Variants in UBOX5 observed in about 807,000 individuals in gnomAD.
UBOX5 encodes RING finger protein 37.
In UBOX5, 28 loss-of-function variants were observed where a neutral mutation model predicts 39.0. That is an observed-to-expected ratio of 0.72 (90% confidence interval 0.53 to 0.98). UBOX5 has a LOEUF of 0.98. UBOX5 is among the 50% of genes least tolerant of loss of function. UBOX5 has a pLI of 0.00. For synonymous variants in UBOX5, 283 were observed against 275.5 expected, an observed-to-expected ratio of 1.03 and a Z score of -0.27; for missense variants, 585 against 674.4, an observed-to-expected ratio of 0.87 and a Z score of 1.47.
intron 1 of UBOX5, chr20:3,148,890 T>C: frequency 1.2e-6 from 2 of 1,614,200 alleles, no homozygotes; most frequent in Non-Finnish European, 1.7e-6. Context: ...GAGAAGGTGC[T>C]ACATATGTTC....
intron 3 of UBOX5, among the ~76,000 whole-genome samples, chr20:3,119,420 G>A (rs921010579): frequency 2.0e-5 from 3 of 152,222 alleles, no homozygotes; most frequent in Admixed American, 6.5e-5. Flanking sequence ...CCCTGAAGCA[G>A]AGAATCCAGC....
intron 1 of UBOX5, among the ~76,000 whole-genome samples, chr20:3,145,683 C>T (rs2066555188): frequency 6.6e-6 from 1 of 152,128 alleles, no homozygotes; most frequent in African/African-American, 2.4e-5. Context: ...GCAATCTTCC[C>T]ACTTTGGCCT....
intron 1 of UBOX5, among the ~76,000 whole-genome samples, chr20:3,151,410 C>T (rs1049939706): frequency 6.6e-6 from 1 of 152,194 alleles, no homozygotes; most frequent in African/African-American, 2.4e-5. Flanking sequence ...ATTGTATGGC[C>T]TGCAAAGCAT....
chr20:3,153,808 T>C (rs1371759594), intron 1 of UBOX5, among the ~76,000 whole-genome samples: 1 of 152,236 alleles, frequency 6.6e-6, no homozygotes, highest in Non-Finnish European at 1.5e-5. Flanking sequence ...TTTAAACTTT[T>C]TCAGTTTTTG....
intron 1 of UBOX5, among the ~76,000 whole-genome samples, chr20:3,130,266 T>C (rs2422853): frequency 0.74 from 110,973 of 149,070 alleles, 42,734 homozygotes; most frequent in East Asian, 0.99. Flanking sequence ...AATAAATAAA[T>C]AAACAAACAA....
intron 1 of UBOX5, among the ~76,000 whole-genome samples, chr20:3,129,415 T>C (rs970469029): frequency 6.6e-5 from 10 of 152,334 alleles, no homozygotes; most frequent in Middle Eastern, 3.4e-3. Flanking sequence ...TGACGATTCA[T>C]AGGACACCAG....
In UBOX5 at chr20:3,149,335, G is replaced by A; in HGVS notation, c.-42+10431C>T. 1 of 459,836 alleles carries A rather than the reference G, an allele frequency of 2.2e-6. No homozygotes were observed. The highest frequency in any genetic ancestry group is 3.9e-6 in the Non-Finnish European group (1 of 258,076). 28.5% of individuals were successfully genotyped at this position (459,836 alleles called of 1,614,324 possible). On this transcript the variant is annotated intron_variant, in intron 1 of 4. Transcript: ENST00000217173. This position sits in a 1 kb window ranked among gnomAD's most constrained non-coding sequence, Gnocchi z 4.1. ...CCAAATTTACACATTATAAAAAACA[G>A]GTTGAAACTACACTGCTGTCTACTC...
chr20:3,127,107 C>T (rs16988305), intron 1 of UBOX5, among the ~76,000 whole-genome samples: 10,857 of 150,296 alleles, frequency 0.072, 497 homozygotes, highest in Middle Eastern at 0.12. Context: ...ATTCCAATGG[C>T]TTCTGGTAAC....
intron 3 of UBOX5, among the ~76,000 whole-genome samples, chr20:3,119,811 G>A (rs372652746): frequency 7.2e-5 from 11 of 152,112 alleles, no homozygotes; most frequent in African/African-American, 2.2e-4. Flanking sequence ...ACGAGATTGC[G>A]CCATTGCACT....
intron 1 of UBOX5, chr20:3,147,844 T>G: frequency 6.2e-7 from 1 of 1,614,180 alleles, no homozygotes; most frequent in Non-Finnish European, 8.5e-7. Flanking sequence ...CATTCATTAC[T>G]CCTTCATTCA....
rs1241200771 is a variant in UBOX5, at chr20:3,146,914, A to G, written c.-42+12852T>C. The G allele has an allele frequency of 6.2e-6, 10 of 1,614,020 alleles. No homozygotes were observed. In the African/African-American group the frequency reaches 9.3e-5, roughly 15 times the overall value. Reference sequence around the variant, plus strand: ...GCCGAGCCAGCTGCCGCCTCTTCATATTGTGCAGTCCAAGGAGATCCCTGG... The same window carrying G: ...GCCGAGCCAGCTGCCGCCTCTTCATGTTGTGCAGTCCAAGGAGATCCCTGG... On this transcript the variant is annotated intron_variant, in intron 1 of 4. Coordinates refer to ENST00000217173, the MANE Select transcript of UBOX5 (RefSeq NM_014948.4).
chr20:3,125,339 T>C (rs1452902680), intron 1 of UBOX5, among the ~76,000 whole-genome samples: 655 of 46,456 alleles, frequency 0.014, no homozygotes, highest in Middle Eastern at 0.02. Context: ...TCTGCCCGGC[T>C]GCCCCGTCTG....
At chr20:3,120,014 GC>G (rs1331128236) in intron 3 of UBOX5, among the ~76,000 whole-genome samples, 2 of 151,868 alleles carry the variant, frequency 1.3e-5, no homozygotes, top group East Asian at 3.9e-4. Context: ...CACTGGCAAT[GC>G]CCCAGGGAAG....
intron 1 of UBOX5, among the ~76,000 whole-genome samples, chr20:3,124,464 G>A (rs146355183): frequency 0.02 from 3,101 of 152,256 alleles, 120 homozygotes; most frequent in African/African-American, 0.07. Context: ...GCGTGATCTC[G>A]GCTCGCTACA....
At chr20:3,145,668 C>T (rs1006532550) in intron 1 of UBOX5, among the ~76,000 whole-genome samples, 4 of 152,144 alleles carry the variant, frequency 2.6e-5, no homozygotes, top group African/African-American at 9.7e-5. Context: ...AACTCCTGGA[C>T]TCAAGCAATC....
Position 3,110,319 on chromosome 20 carries a change from T to C in UBOX5, c.1418-5A>G, listed in dbSNP as rs750146961. ...CCAGGATGCTCCCAGGCTGCTCTGG[T>C]AAATCAGGAAGGAAAACAGGCCAGG... On this transcript the variant is annotated splice_polypyrimidine_tract_variant and splice_region_variant and intron_variant, in intron 4 of 4. Transcript: ENST00000217173. The C allele has an allele frequency of 2.5e-6, 4 of 1,613,912 alleles. No individual in the cohort carries two copies. In the South Asian group the frequency reaches 3.3e-5, roughly 13 times the overall value.
At chr20:3,113,119 CAAAAAAAAA>C (rs34287965) in intron 4 of UBOX5, among the ~76,000 whole-genome samples, 3 of 121,984 alleles carry the variant, frequency 2.5e-5, no homozygotes, top group African/African-American at 6.0e-5. Context: ...ACTAAATATA[CAAAAAAAAA>C]AAAAAAAAAT....
In UBOX5 at chr20:3,121,616, G is replaced by A. The variant is rs1373135676; in HGVS notation, c.1023C>T (p.His341=). Residue 341 remains histidine (H), a synonymous_variant, in exon 3 of 5, where the codon CAC becomes CAT. Transcript: ENST00000217173. ...ATGCCGTCTGTGCTCTCCCAAGCAG[G>A]TGGCAGCCAGGGATGGAGTGCTGGA... ...FLLQHSIPGC[H]LLGRAQTALA... The A allele has an allele frequency of 6.2e-7, 1 of 1,608,818 alleles. No homozygotes were observed. Among genetic ancestry groups the A allele is most frequent in the Admixed American group, 1.7e-5 (1 of 58,990 alleles).
chr20:3,110,304 C>A lies in UBOX5; in HGVS notation c.1428G>T (p.Gly476=). The A allele has an allele frequency of 6.2e-7, 1 of 1,614,100 alleles. No homozygotes were observed. Among genetic ancestry groups the A allele is most frequent in the Middle Eastern group, 1.7e-4 (1 of 6,020 alleles). Residue 476 remains glycine (G), a synonymous_variant, in exon 5 of 5, where the codon GGG becomes GGT. Transcript: ENST00000217173. ...AGGCACATTCGGGGCCCAGGATGCT[C>A]CCAGGCTGCTCTGGTAAATCAGGAA... The part of the protein sequence containing the change: ...WRPGTGSEQP[G]SILGPECASC...
Sources: allele counts gnomAD v4.1 joint callset (sites outside exome capture counted in the v4.1 genomes callset), GRCh38; gene constraint gnomAD v4.1.1; non-coding constraint Gnocchi (gnomAD v3.1); transcripts MANE v1.5; gene names NCBI Gene and HGNC (gene_info 2026-07-23, HGNC 2026-07-21).